PCDH15: variants seen among roughly 807,000 people sequenced by gnomAD.
The protein encoded by PCDH15 is protocadherin-15.
PCDH15 carries 129 observed loss-of-function variants against 178.5 expected under a neutral mutation model. The observed-to-expected ratio is 0.72, with a 90% CI of 0.63 to 0.84. The LOEUF (loss-of-function observed/expected upper bound fraction) is 0.84, where lower values mean the gene tolerates loss of function less well. Ranked by LOEUF, PCDH15 falls within the 40% of genes least tolerant of loss-of-function variation. The probability of loss-of-function intolerance (pLI) is 0.00; values close to 1 mark genes in which losing one functional copy is unlikely to be tolerated. For synonymous variants in PCDH15, 800 were observed against 732.0 expected (o/e 1.09, Z -1.50); for missense variants, 2,230 against 2,099.9 (o/e 1.06, Z -1.21).
At chr10:54,289,412 A>G (rs1389393782) in intron 8 of PCDH15, among the ~76,000 whole-genome samples, 1 of 152,246 alleles carries the variant, frequency 6.6e-6, no homozygotes, top group Admixed American at 6.5e-5. Flanking sequence ...CAAAGACCAA[A>G]GGTAGATAAA....
intron 3 of PCDH15, among the ~76,000 whole-genome samples, chr10:54,484,102 G>A (rs562192281): frequency 6.6e-6 from 1 of 151,986 alleles, no homozygotes; most frequent in Non-Finnish European, 1.5e-5. Context: ...ATCCAAAACA[G>A]CAATTTTGCT....
chr10:54,346,247 T>C lies in PCDH15; in HGVS notation c.594+118A>G, dbSNP rs529446648. On this transcript the variant is annotated intron_variant, in intron 6 of 37. Transcript: ENST00000644397. ...TCAATTTTGAGACATTTTTAAATAA[T>C]AGTATCATTACTAATCTGGTTCTGG... is the stretch of plus-strand genomic sequence containing the variant. 4 of 925,542 alleles carry C rather than the reference T, an allele frequency of 4.3e-6. No homozygotes were observed. In the East Asian group the frequency reaches 8.0e-5, roughly 18 times the overall value. The allele number at this position is 925,542 out of a possible 1,614,324, so 57.3% of individuals were successfully genotyped here.
intron 2 of PCDH15, among the ~76,000 whole-genome samples, chr10:55,037,032 C>G (rs1157349778): frequency 6.6e-6 from 1 of 152,108 alleles, no homozygotes; most frequent in Non-Finnish European, 1.5e-5. Flanking sequence ...TGAAAATTAA[C>G]CTGTCACCCC....
At chr10:54,664,599 T>C (rs2094541784) in intron 1 of PCDH15, among the ~76,000 whole-genome samples, 1 of 152,112 alleles carries the variant, frequency 6.6e-6, no homozygotes, top group African/African-American at 2.4e-5. Context: ...TATGGGTAAG[T>C]CCAATGTTAA....
intron 9 of PCDH15, among the ~76,000 whole-genome samples, chr10:54,214,622 T>C (rs959824912): frequency 9.9e-5 from 15 of 152,154 alleles, no homozygotes; most frequent in Admixed American, 9.8e-4. Flanking sequence ...GATAGAGCCC[T>C]GCTGTGTCAC....
At chr10:55,081,424 C>T (rs1469240757) in intron 2 of PCDH15, among the ~76,000 whole-genome samples, 2 of 152,140 alleles carry the variant, frequency 1.3e-5, no homozygotes, top group Non-Finnish European at 2.9e-5. Context: ...GCCCTACTTC[C>T]TATTACCATT....
At position 54,598,640 on chromosome 10, in the gene PCDH15, G is replaced by A. The variant is rs190439983; in HGVS notation, c.91+65532C>T. Among the ~76,000 whole-genome samples, 744 of 152,202 alleles carry A rather than the reference G, an allele frequency of 4.9e-3. 7 individuals carry two copies. The highest frequency in any genetic ancestry group is 0.017 in the African/African-American group (716 of 41,536). On this transcript the variant is annotated intron_variant, in intron 2 of 37. Coordinates refer to ENST00000644397, the MANE Select transcript of PCDH15 (RefSeq NM_001384140.1). The stretch of plus-strand genomic sequence containing the variant: ...TTCTGACCAGAGCAATCAGGCAAGA[G>A]AAAGAAATAAAAGGCATCCAAATAG...
chr10:55,564,873 G>A (rs1842269846), intron 2 of PCDH15, among the ~76,000 whole-genome samples: 1 of 151,256 alleles, frequency 6.6e-6, no homozygotes, highest in Non-Finnish European at 1.5e-5. Flanking sequence ...TATAAATGAA[G>A]GAAAAATAAA....
At chr10:54,144,233 C>G (rs1482826779) in intron 14 of PCDH15, among the ~76,000 whole-genome samples, 2 of 152,040 alleles carry the variant, frequency 1.3e-5, no homozygotes, top group East Asian at 3.9e-4. Flanking sequence ...GACTGACAAC[C>G]AGTTTCCCCA....
At chr10:55,267,319 A>G (rs1400666467) in intron 1 of PCDH15, among the ~76,000 whole-genome samples, 1 of 152,142 alleles carries the variant, frequency 6.6e-6, no homozygotes, top group Non-Finnish European at 1.5e-5. Context: ...GAATCCTTAG[A>G]TGTGTCATTG....
chr10:55,196,993 T>C (rs1840111038), intron 1 of PCDH15, among the ~76,000 whole-genome samples: 1 of 152,026 alleles, frequency 6.6e-6, no homozygotes, highest in Admixed American at 6.5e-5. Flanking sequence ...TCTTTGTATT[T>C]GAAACTGTAA....
rs1473772102 is a variant in PCDH15, at chr10:53,874,047, TA to T, written c.3502-7191del. On this transcript the variant is annotated intron_variant, in intron 26 of 37. Transcript: ENST00000644397. ...TGTATATAAGCTTCCAAGTCTATGG[TA>T]TTCTGCTATAGAAGTCTGAATGCAA... 2.6e-5 allele frequency among the ~76,000 whole-genome samples: 4 copies of T among 152,334 alleles called. No individual in the cohort carries two copies. The South Asian group carries it at 6.2e-4, about 24-fold the overall frequency.
At chr10:54,838,153 G>C (rs1953351642) in intron 3 of PCDH15, among the ~76,000 whole-genome samples, 1 of 152,042 alleles carries the variant, frequency 6.6e-6, no homozygotes, top group Non-Finnish European at 1.5e-5. Context: ...GCCCCTGCCA[G>C]CTAGAGTCTA....
At chr10:55,256,706 T>C (rs2680329) in intron 1 of PCDH15, among the ~76,000 whole-genome samples, 25,998 of 151,926 alleles carry the variant, frequency 0.17, 2,540 homozygotes, top group Non-Finnish European at 0.23. Flanking sequence ...CAGGCCTGAG[T>C]AGGTAAACAA....
chr10:54,612,424 G>A (rs2092992653), intron 2 of PCDH15, among the ~76,000 whole-genome samples: 3 of 151,736 alleles, frequency 2.0e-5, no homozygotes, highest in African/African-American at 7.2e-5. Context: ...TCTTTGCATT[G>A]TTAAACTTAA....
At chr10:54,792,092 T>C (rs1301231427) in intron 1 of PCDH15, among the ~76,000 whole-genome samples, 1 of 151,896 alleles carries the variant, frequency 6.6e-6, no homozygotes, top group African/African-American at 2.4e-5. Flanking sequence ...TTCCTTATTC[T>C]GGCCCATAAT....
At chr10:55,438,829 T>A (rs1484689645) in intron 2 of PCDH15, among the ~76,000 whole-genome samples, 2 of 151,702 alleles carry the variant, frequency 1.3e-5, no homozygotes, top group Non-Finnish European at 2.9e-5. Flanking sequence ...ACTTTGAATC[T>A]ACGTAATTCA....
intron 2 of PCDH15, among the ~76,000 whole-genome samples, chr10:55,373,766 C>T (rs1845558196): frequency 1.3e-5 from 2 of 152,078 alleles, no homozygotes; most frequent in East Asian, 1.9e-4. Context: ...AATGGTATTG[C>T]CTAGGTTTTC....
chr10:54,192,162 G>GAA (rs1265044607), intron 11 of PCDH15, among the ~76,000 whole-genome samples: 1 of 136,438 alleles, frequency 7.3e-6, no homozygotes, highest in African/African-American at 3.0e-5. Context: ...GAAAAAGAAA[G>GAA]AAAGAAAGAA....
Sources: gnomAD v4.1 joint callset for allele counts (sites outside exome capture counted in the v4.1 genomes callset) on GRCh38, gnomAD v4.1.1 for gene constraint, MANE v1.5 for transcripts, NCBI Gene and HGNC (gene_info 2026-07-23, HGNC 2026-07-21) for gene names.